The following TRMT2B variants were observed in gnomAD, a reference collection of about 807,000 sequenced individuals.
The protein encoded by TRMT2B is tRNA methyltransferase 2B.
A neutral mutation model predicts 39.7 loss-of-function variants in TRMT2B; 34 were observed. The ratio of observed to expected loss-of-function variants is 0.86; its 90% confidence interval spans 0.65 to 1.14. The LOEUF is 1.14. Among genes scored for constraint, TRMT2B ranks in the 50% most tolerant of loss-of-function variants. The pLI, the probability that TRMT2B is intolerant of heterozygous loss-of-function variation, is 0.00. For synonymous variants in TRMT2B, 132 were observed against 137.3 expected, an observed-to-expected ratio of 0.96 and a Z score of 0.27; for missense variants, 318 against 377.2, an observed-to-expected ratio of 0.84 and a Z score of 1.30.
chrX:101,004,195 G>A, the TRMT2B span, among the ~76,000 whole-genome samples: 1 of 110,525 alleles, frequency 9.0e-6, no homozygotes, highest in African/African-American at 3.3e-5. Flanking sequence ...TGGAGATAGG[G>A]TTTTGCCATA....
rs779784572 is a variant in TRMT2B at position 101,023,399 on chromosome X, C to A, written c.756+71G>T. The A allele has an allele frequency of 8.1e-6, 9 of 1,111,444 alleles. No individual in the cohort carries two copies. In the East Asian group the frequency reaches 2.1e-4, roughly 26 times the overall value. 91.6% of individuals were successfully genotyped at this position (1,111,444 alleles called of 1,213,427 possible). A position where few individuals can be genotyped will look rare whatever the true frequency, so the allele number is the denominator to read the frequency against. ...GTTTCTGCTATATGCCCTGAAACTT[C>A]CAAAAAACCAATTACAGTTATAGTT... On this transcript the variant is annotated intron_variant, in intron 8 of 13. Transcript: ENST00000372936.
chrX:101,020,656 T>A lies in TRMT2B; in HGVS notation c.1067-68A>T, dbSNP rs1451645096. 15 of 885,966 alleles carry A rather than the reference T, an allele frequency of 1.7e-5. No individual in the cohort carries two copies. The African/African-American group carries it at 2.4e-4, about 14-fold the overall frequency. The allele number at this position is 885,966 out of a possible 1,213,427, so 73.0% of individuals were successfully genotyped here. A position where few individuals can be genotyped will look rare whatever the true frequency, so the allele number is the denominator to read the frequency against. On this transcript the variant is annotated intron_variant, in intron 10 of 13. Transcript: ENST00000372936. ...TAGGTGTGGTAGTTTGTTTGTTTTT[T>A]GTTTAGTTTAGTTTAGTTTGTTTGT...
At chrX:101,015,759 AAT>A in intron 13 of TRMT2B, 2 of 244,473 alleles carry the variant, frequency 8.2e-6, no homozygotes, top group Non-Finnish European at 1.1e-5. Context: ...TGATTTTTTT[AAT>A]AGTCTTATTG....
At chrX:101,009,216 G>A (rs1000368456), downstream of TRMT2B, 1 of 112,009 alleles carries the variant, frequency 8.9e-6, no homozygotes, top group African/African-American at 3.2e-5. Flanking sequence ...ATCACTTTGT[G>A]AATCAGACAA....
At chrX:100,990,191 G>A in the TRMT2B span, 1 of 202,203 alleles carries the variant, frequency 4.9e-6, no homozygotes, top group Non-Finnish European at 7.5e-6. Context: ...CAGGGCAGAG[G>A]ATGGGCACCT....
At chrX:101,029,023 A>G (rs1335200172) in intron 7 of TRMT2B, among the ~76,000 whole-genome samples, 1 of 111,658 alleles carries the variant, frequency 9.0e-6, no homozygotes, top group Non-Finnish European at 1.9e-5. Context: ...AGTCTCAGGA[A>G]GTTCTTTATA....
At chrX:100,998,553 G>C in the TRMT2B span, among the ~76,000 whole-genome samples, 1 of 27,425 alleles carries the variant, frequency 3.6e-5, no homozygotes, top group Non-Finnish European at 5.7e-5. Context: ...AGATTCTGTC[G>C]CAAAAAAAAA....
the TRMT2B span, among the ~76,000 whole-genome samples, chrX:100,999,122 C>T: frequency 8.9e-6 from 1 of 112,521 alleles, no homozygotes; most frequent in East Asian, 2.8e-4. Flanking sequence ...ATGTCCCTAA[C>T]AGTCACAAAT....
chrX:101,022,214 C>T, intron 8 of TRMT2B, 152 bp from the exon 9 acceptor site: 1 of 442,723 alleles, frequency 2.3e-6, no homozygotes. Flanking sequence ...GCAGGCCAGA[C>T]ATGATAGTTC....
the TRMT2B span, among the ~76,000 whole-genome samples, chrX:100,994,429 A>T: frequency 4.5e-5 from 5 of 111,817 alleles, no homozygotes; most frequent in African/African-American, 1.6e-4. Flanking sequence ...GGCTCTGGGT[A>T]TGTTTCTATC....
At chrX:101,019,438 C>T (rs756791398) in intron 11 of TRMT2B, 35 bp from the exon 12 acceptor site, 36 of 1,206,282 alleles carry the variant, frequency 3.0e-5, no homozygotes, top group Non-Finnish European at 3.9e-5. Flanking sequence ...ATAACTCAAG[C>T]CCAGCAGTAA....
the TRMT2B span, chrX:100,986,001 G>A: frequency 9.4e-7 from 1 of 1,064,786 alleles, no homozygotes; most frequent in Non-Finnish European, 1.2e-6. Flanking sequence ...TGGTCCCTTT[G>A]TCACACCCAG....
At chrX:100,973,596 GT>G in the TRMT2B span, 38 of 990,498 alleles carry the variant, frequency 3.8e-5, no homozygotes, top group Non-Finnish European at 4.8e-5. Context: ...ATCAGCACCT[GT>G]TTAGTCATAA....
intron 7 of TRMT2B, among the ~76,000 whole-genome samples, chrX:101,026,971 C>T (rs1003064268): frequency 2.7e-5 from 3 of 111,433 alleles, no homozygotes; most frequent in South Asian, 3.7e-4. Flanking sequence ...TCCTCTTTGT[C>T]GTAAAACTAA....
chrX:101,028,039 C>G (rs979131058), intron 7 of TRMT2B, among the ~76,000 whole-genome samples: 2 of 109,665 alleles, frequency 1.8e-5, no homozygotes, highest in Non-Finnish European at 3.8e-5. Flanking sequence ...CCAACCCCCA[C>G]CAGCCAAGGG....
intron 6 of TRMT2B, 79 bp downstream of exon 6, chrX:101,036,895 G>GT (rs761480733): frequency 1.3e-6 from 1 of 763,967 alleles, no homozygotes; most frequent in African/African-American, 2.1e-5. Context: ...TAAGGCCACC[G>GT]TATTTTCCAC....
chrX:100,979,164 A>G, the TRMT2B span, among the ~76,000 whole-genome samples: 1 of 111,860 alleles, frequency 8.9e-6, no homozygotes, highest in Admixed American at 9.5e-5. Flanking sequence ...ACATACCACA[A>G]TTACAGTATT....
chrX:100,974,133 G>T, the TRMT2B span: 1 of 1,187,681 alleles, frequency 8.4e-7, no homozygotes, highest in South Asian at 1.9e-5. Context: ...CTAGGAATGT[G>T]ACCATCCCTA....
At chrX:101,007,131 G>A (rs1771846403), downstream of TRMT2B, among the ~76,000 whole-genome samples, 1 of 111,282 alleles carries the variant, frequency 9.0e-6, no homozygotes, top group South Asian at 3.7e-4. Context: ...ATTCCTTGAA[G>A]GAGGAATATT....
Sources: allele counts gnomAD v4.1 joint callset (sites outside exome capture counted in the v4.1 genomes callset), GRCh38; gene constraint gnomAD v4.1.1; transcripts MANE v1.5; gene names NCBI Gene and HGNC (gene_info 2026-07-23, HGNC 2026-07-21).